Variants in RCAN2 observed in about 807,000 individuals in gnomAD.
RCAN2 encodes regulator of calcineurin 2, also known as calcipressin-2.
Under a neutral mutation model 23.6 loss-of-function variants are expected in RCAN2, and 9 were observed. The ratio of observed to expected loss-of-function variants is 0.38; its 90% confidence interval spans 0.23 to 0.67. The LOEUF (loss-of-function observed/expected upper bound fraction) is 0.67, where lower values mean the gene tolerates loss of function less well. Ranked by LOEUF, RCAN2 falls within the 30% of genes least tolerant of loss-of-function variation. The probability of loss-of-function intolerance (pLI) is 0.51; values close to 1 mark genes in which losing one functional copy is unlikely to be tolerated. For synonymous variants in RCAN2, 109 were observed against 115.7 expected (o/e 0.94, Z 0.37); for missense variants, 273 against 302.3 (o/e 0.90, Z 0.72).
chr6:46,261,704 C>T (rs1341084257), intron 2 of RCAN2, among the ~76,000 whole-genome samples: 1 of 152,114 alleles, frequency 6.6e-6, no homozygotes, highest in Non-Finnish European at 1.5e-5. Context: ...AGCAAAATGT[C>T]TCCTATGAAA....
At chr6:46,349,911 G>A (rs569609125) in intron 2 of RCAN2, among the ~76,000 whole-genome samples, 9 of 152,162 alleles carry the variant, frequency 5.9e-5, no homozygotes, top group East Asian at 1.9e-4. Flanking sequence ...CACCCTCACC[G>A]TGGCTTCCTA....
chr6:46,422,006 T>C (rs1766900798), intron 2 of RCAN2, among the ~76,000 whole-genome samples: 1 of 152,206 alleles, frequency 6.6e-6, no homozygotes, highest in East Asian at 1.9e-4. Flanking sequence ...ACCATAAGAA[T>C]AGATGCCTTA....
At position 46,232,807 on chromosome 6, in the gene RCAN2, A is replaced by AAG. The variant is rs1360673405; in HGVS notation, c.572-9507_572-9506insCT. On this transcript the variant is annotated intron_variant, in intron 4 of 4. Transcript: ENST00000371374. ...GACTGTCTCAAAAAAAAAAAAAAAA[A>AAG]AAAAGAGTTTACCAGTATAGGGAAG... 2.0e-5 allele frequency among the ~76,000 whole-genome samples: 3 copies of AAG among 151,396 alleles called. No homozygotes were observed. The East Asian group carries it at 5.8e-4, about 29-fold the overall frequency.
chr6:46,280,878 T>C (rs1286127666), intron 2 of RCAN2, among the ~76,000 whole-genome samples: 2 of 152,104 alleles, frequency 1.3e-5, no homozygotes, highest in East Asian at 3.9e-4. Flanking sequence ...GGCATGTGTG[T>C]AGGGGTGTGT....
chr6:46,373,668 T>C (rs536503155), intron 2 of RCAN2, among the ~76,000 whole-genome samples: 1 of 152,352 alleles, frequency 6.6e-6, no homozygotes, highest in African/African-American at 2.4e-5. Flanking sequence ...AAGATGGTGA[T>C]GTGTTACTTA....
At chr6:46,421,731 G>A (rs189382742) in intron 2 of RCAN2, among the ~76,000 whole-genome samples, 109 of 152,212 alleles carry the variant, frequency 7.2e-4, no homozygotes, top group African/African-American at 2.5e-3. Flanking sequence ...ATCTAACTCT[G>A]TGTCTGTCAC....
At chr6:46,301,899 A>G (rs1317975643) in intron 2 of RCAN2, among the ~76,000 whole-genome samples, 2 of 152,186 alleles carry the variant, frequency 1.3e-5, no homozygotes, top group African/African-American at 4.8e-5. Flanking sequence ...GGCAATGGTA[A>G]TGTGTTTGGA....
chr6:46,420,452 G>T (rs1766850476), intron 2 of RCAN2, among the ~76,000 whole-genome samples: 1 of 152,006 alleles, frequency 6.6e-6, no homozygotes, highest in Non-Finnish European at 1.5e-5. Flanking sequence ...GTGATTCTCT[G>T]ACTGCTGAGC....
intron 1 of RCAN2, among the ~76,000 whole-genome samples, chr6:46,490,392 T>C (rs1769105294): frequency 6.6e-6 from 1 of 152,240 alleles, no homozygotes; most frequent in Admixed American, 6.5e-5. Flanking sequence ...AAAGCATGCA[T>C]TCTGCTATAA....
At chr6:46,262,588 T>TTAAATAAATAAATAAATAAATAAA (rs10526400) in intron 2 of RCAN2, among the ~76,000 whole-genome samples, 2,505 of 146,538 alleles carry the variant, frequency 0.017, 87 homozygotes, top group African/African-American at 0.06. Context: ...AGCCTCTGTC[T>TTAAATAAATAAATAAATAAATAAA]TAAATAAATA....
chr6:46,268,201 A>G (rs1359647471), intron 2 of RCAN2, among the ~76,000 whole-genome samples: 1 of 152,216 alleles, frequency 6.6e-6, no homozygotes, highest in African/African-American at 2.4e-5. Flanking sequence ...TCATTAAACA[A>G]TCATGTCTGT....
chr6:46,283,020 G>A lies in RCAN2; in HGVS notation c.226-34124C>T, dbSNP rs147440253. On this transcript the variant is annotated intron_variant, in intron 2 of 4. Coordinates refer to ENST00000371374, the MANE Select transcript of RCAN2 (RefSeq NM_001251974.2). ...TTGGAAATCTTTCTGCATGGAAACT[G>A]CCTGACCGGGGGCTGGCAGGGAGGC... Among the ~76,000 whole-genome samples, 222 of 152,310 alleles carry A rather than the reference G, an allele frequency of 1.5e-3. 2 individuals are homozygous for A. Among genetic ancestry groups the A allele is most frequent in the African/African-American group, 5.0e-3 (209 of 41,572 alleles).
intron 1 of RCAN2, among the ~76,000 whole-genome samples, chr6:46,465,772 C>T (rs533932204): frequency 2.6e-5 from 4 of 152,250 alleles, no homozygotes; most frequent in African/African-American, 4.8e-5. Context: ...GGGCACAGGG[C>T]GCAGTGCAGA....
intron 2 of RCAN2, among the ~76,000 whole-genome samples, chr6:46,249,399 A>G (rs1432472183): frequency 6.8e-6 from 1 of 146,150 alleles, no homozygotes; most frequent in Non-Finnish European, 1.5e-5. Flanking sequence ...GCTCACTGCA[A>G]CCCCCGCCTC....
At chr6:46,433,543 CA>C (rs1767277444) in intron 2 of RCAN2, among the ~76,000 whole-genome samples, 1 of 152,090 alleles carries the variant, frequency 6.6e-6, no homozygotes, top group South Asian at 2.1e-4. Flanking sequence ...TTATTGGAAG[CA>C]GAAGTCAAAG....
chr6:46,232,256 A>G (rs971219407), intron 4 of RCAN2, among the ~76,000 whole-genome samples: 1 of 152,246 alleles, frequency 6.6e-6, no homozygotes, highest in African/African-American at 2.4e-5. Flanking sequence ...GTATGTATCG[A>G]TGCTAAGTAA....
At chr6:46,425,052 T>A (rs1172885580) in intron 2 of RCAN2, among the ~76,000 whole-genome samples, 2 of 152,170 alleles carry the variant, frequency 1.3e-5, no homozygotes. Flanking sequence ...CAGGCATGCA[T>A]GTGGTCCCCT....
chr6:46,441,539 A>C (rs1267994445), intron 2 of RCAN2, among the ~76,000 whole-genome samples: 2 of 152,168 alleles, frequency 1.3e-5, no homozygotes, highest in Non-Finnish European at 2.9e-5. Context: ...AATAGCTAAA[A>C]ATTTTTTGGG....
intron 2 of RCAN2, among the ~76,000 whole-genome samples, chr6:46,354,511 T>A (rs1196962001): frequency 6.6e-6 from 1 of 152,186 alleles, no homozygotes; most frequent in Non-Finnish European, 1.5e-5. Flanking sequence ...AAGGAACCTC[T>A]CTGTATTGCC....
Sources: gnomAD v4.1 joint callset for allele counts (sites outside exome capture counted in the v4.1 genomes callset) on GRCh38, gnomAD v4.1.1 for gene constraint, MANE v1.5 for transcripts, NCBI Gene and HGNC (gene_info 2026-07-23, HGNC 2026-07-21) for gene names.